The following GPC5 variants were observed in gnomAD, a reference collection of about 807,000 sequenced individuals.
GPC5 encodes glypican 5.
GPC5 carries 47 observed loss-of-function variants against 53.9 expected under a neutral mutation model. The ratio of observed to expected loss-of-function variants is 0.87; its 90% confidence interval spans 0.69 to 1.11. The LOEUF is 1.11. Ranked by LOEUF, GPC5 falls within the 50% of genes most tolerant of loss-of-function variation. GPC5 has a pLI of 0.00. For missense variants in GPC5, 748 were observed against 713.1 expected, an observed-to-expected ratio of 1.05 and a Z score of -0.56; for synonymous variants, 286 against 263.3, an observed-to-expected ratio of 1.09 and a Z score of -0.84.
intron 7 of GPC5, among the ~76,000 whole-genome samples, chr13:92,655,634 C>T (rs1265615451): frequency 6.6e-6 from 1 of 152,198 alleles, no homozygotes; most frequent in African/African-American, 2.4e-5. Context: ...AGCCACCGCA[C>T]CTGTTCGGTT....
At chr13:91,962,319 C>A (rs2040133644) in intron 6 of GPC5, among the ~76,000 whole-genome samples, 1 of 152,044 alleles carries the variant, frequency 6.6e-6, no homozygotes, top group Non-Finnish European at 1.5e-5. Flanking sequence ...TTGGAGAAAT[C>A]CCAAAGTTTT....
intron 7 of GPC5, among the ~76,000 whole-genome samples, chr13:92,838,980 G>A (rs955302678): frequency 3.8e-4 from 58 of 152,302 alleles, no homozygotes; most frequent in African/African-American, 1.3e-3. Context: ...CACAACTGCT[G>A]TTAGACATGA....
At chr13:91,826,273 G>A (rs1190898322) in intron 5 of GPC5, among the ~76,000 whole-genome samples, 1 of 152,000 alleles carries the variant, frequency 6.6e-6, no homozygotes, top group African/African-American at 2.4e-5. Context: ...AGGTAAATAT[G>A]TTTTCATTGG....
intron 7 of GPC5, among the ~76,000 whole-genome samples, chr13:92,603,963 G>A (rs990629136): frequency 9.2e-5 from 14 of 152,030 alleles, no homozygotes; most frequent in African/African-American, 2.2e-4. Context: ...AAACATAATC[G>A]CATGAATATA....
At chr13:92,363,215 A>C (rs952767473) in intron 7 of GPC5, among the ~76,000 whole-genome samples, 3 of 151,618 alleles carry the variant, frequency 2.0e-5, no homozygotes, top group Non-Finnish European at 2.9e-5. Flanking sequence ...AGGGCTAGGA[A>C]TAGTTGTTGT....
chr13:91,852,935 A>G (rs2038930419), intron 5 of GPC5, among the ~76,000 whole-genome samples: 1 of 152,120 alleles, frequency 6.6e-6, no homozygotes, highest in Non-Finnish European at 1.5e-5. Context: ...TAGGACAGGC[A>G]CCATTCTAGG....
At chr13:91,805,753 A>T (rs2038209514) in intron 5 of GPC5, among the ~76,000 whole-genome samples, 1 of 152,174 alleles carries the variant, frequency 6.6e-6, no homozygotes, top group Non-Finnish European at 1.5e-5. Flanking sequence ...TTCTCTGAAG[A>T]CAAGATGTAG....
At chr13:92,566,726 G>T (rs547562976) in intron 7 of GPC5, among the ~76,000 whole-genome samples, 4 of 152,120 alleles carry the variant, frequency 2.6e-5, no homozygotes, top group Admixed American at 2.6e-4. Context: ...CACCCAGAAT[G>T]TAAGAATTTA....
At chr13:91,586,768 A>G (rs933534325) in intron 2 of GPC5, among the ~76,000 whole-genome samples, 4 of 150,718 alleles carry the variant, frequency 2.7e-5, no homozygotes, top group African/African-American at 9.7e-5. Flanking sequence ...AAACCATATC[A>G]ACAAGTCTTG....
At chr13:92,655,941 C>G (rs1441729188) in intron 7 of GPC5, among the ~76,000 whole-genome samples, 1 of 152,100 alleles carries the variant, frequency 6.6e-6, no homozygotes, top group African/African-American at 2.4e-5. Flanking sequence ...TGCTACATAG[C>G]AAACACTGTA....
In GPC5 at chr13:92,108,395, A is replaced by G. The variant is rs149908798; in HGVS notation, c.1402-36435A>G. 2.2e-4 allele frequency among the ~76,000 whole-genome samples: 34 copies of G among 152,296 alleles called. 1 individual carries two copies. In the East Asian group the frequency reaches 6.6e-3, roughly 29 times the overall value. The stretch of plus-strand genomic sequence containing the variant: ...TGCATTATTATCTTTCCCATTAGAC[A>G]TTATTAAAATTAATGCCCTGCGAAA... On this transcript the variant is annotated intron_variant, in intron 6 of 7. Coordinates refer to ENST00000377067, the MANE Select transcript of GPC5 (RefSeq NM_004466.6).
At chr13:91,399,307 C>G in intron 1 of GPC5, 98 bp downstream of exon 1, 1 of 1,397,424 alleles carries the variant, frequency 7.2e-7, no homozygotes, top group Non-Finnish European at 9.6e-7. Flanking sequence ...GATGACCTTT[C>G]GGGCCCTGCA....
chr13:92,576,776 A>G (rs1050937879), intron 7 of GPC5, among the ~76,000 whole-genome samples: 11 of 152,156 alleles, frequency 7.2e-5, no homozygotes, highest in Admixed American at 3.3e-4. Flanking sequence ...TCCAGCCCAC[A>G]TTGATCTCTT....
intron 7 of GPC5, among the ~76,000 whole-genome samples, chr13:92,465,416 T>C (rs930822141): frequency 6.6e-6 from 1 of 152,062 alleles, no homozygotes; most frequent in Non-Finnish European, 1.5e-5. Context: ...AACATTAGTT[T>C]TTGAGCTAGA....
At chr13:92,164,280 T>C (rs2042011485) in intron 7 of GPC5, among the ~76,000 whole-genome samples, 1 of 152,114 alleles carries the variant, frequency 6.6e-6, no homozygotes, top group Non-Finnish European at 1.5e-5. Flanking sequence ...AGGTTTCATA[T>C]AAGACAAGAC....
At chr13:91,442,534 C>T (rs117784897) in intron 1 of GPC5, among the ~76,000 whole-genome samples, 1,068 of 152,314 alleles carry the variant, frequency 7.0e-3, no homozygotes, top group Non-Finnish European at 0.011. Context: ...CCAGGTCTCC[C>T]TCCATCTCTT....
intron 3 of GPC5, among the ~76,000 whole-genome samples, chr13:91,711,959 A>G (rs541611071): frequency 6.6e-6 from 1 of 152,344 alleles, no homozygotes; most frequent in South Asian, 2.1e-4. Context: ...GTCATGCTGA[A>G]ATTTCCCAAG....
At chr13:92,784,516 C>G (rs1876145354) in intron 7 of GPC5, among the ~76,000 whole-genome samples, 1 of 151,738 alleles carries the variant, frequency 6.6e-6, no homozygotes, top group African/African-American at 2.4e-5. Context: ...GTTGATAATA[C>G]CAGCATATCT....
At chr13:91,476,620 G>T (rs1369025682) in intron 2 of GPC5, among the ~76,000 whole-genome samples, 1 of 152,148 alleles carries the variant, frequency 6.6e-6, no homozygotes, top group Non-Finnish European at 1.5e-5. Context: ...GTAACAATTT[G>T]CAGACAATAA....
Sources: allele counts gnomAD v4.1 joint callset (sites outside exome capture counted in the v4.1 genomes callset), GRCh38; gene constraint gnomAD v4.1.1; transcripts MANE v1.5; gene names NCBI Gene and HGNC (gene_info 2026-07-23, HGNC 2026-07-21).